UBXN2A: variants seen among roughly 807,000 people sequenced by gnomAD.
UBXN2A encodes the protein UBX domain protein 2A.
In UBXN2A, 28 loss-of-function variants were observed where a neutral mutation model predicts 28.4. The observed-to-expected ratio is 0.99, with a 90% CI of 0.73 to 1.35. UBXN2A has a LOEUF of 1.35. UBXN2A is among the 40% of genes most tolerant of loss of function. The pLI is 0.00. For missense variants in UBXN2A, 253 were observed against 297.9 expected (o/e 0.85, Z 1.11); for synonymous variants, 97 against 103.6 (o/e 0.94, Z 0.39).
chr2:23,960,720 C>T (rs1422619244), intron 2 of UBXN2A, among the ~76,000 whole-genome samples: 1 of 152,092 alleles, frequency 6.6e-6, no homozygotes, highest in Non-Finnish European at 1.5e-5. Context: ...GCAACCTCCA[C>T]CTCCCAGGTT....
At position 23,986,597 on chromosome 2, in the gene UBXN2A, T is replaced by C. The variant is rs867421152; in HGVS notation, c.584+1766T>C. Among the ~76,000 whole-genome samples the C allele has an allele frequency of 2.6e-5, 4 of 151,884 alleles. No individual in the cohort carries two copies. The Middle Eastern group carries it at 0.01, about 387-fold the overall frequency. On this transcript the variant is annotated intron_variant, in intron 6 of 6. Coordinates refer to ENST00000309033, the MANE Select transcript of UBXN2A (RefSeq NM_181713.4). ...AGTTTGATGCATTTTTCCAGTCTTT[T>C]ATCTCTTCCTAAAAGCTTTTTTTTT...
intron 1 of UBXN2A, among the ~76,000 whole-genome samples, chr2:23,940,872 G>C (rs1705720392): frequency 1.3e-5 from 1 of 76,014 alleles, no homozygotes; most frequent in Admixed American, 2.0e-4. Flanking sequence ...CGGCGACCCC[G>C]AGCCCCTGAC....
intron 1 of UBXN2A, among the ~76,000 whole-genome samples, chr2:23,954,711 G>A (rs1706530690): frequency 6.7e-6 from 1 of 149,492 alleles, no homozygotes; most frequent in African/African-American, 2.5e-5. Context: ...TTTCTTCTTT[G>A]GAAAAATGTC....
chr2:23,943,485 A>T (rs1466323632), intron 1 of UBXN2A, among the ~76,000 whole-genome samples: 1 of 152,018 alleles, frequency 6.6e-6, no homozygotes, highest in Non-Finnish European at 1.5e-5. Flanking sequence ...GATTGTATGT[A>T]TGTATGTTTT....
At chr2:23,972,931 T>G (rs1707479738) in intron 3 of UBXN2A, among the ~76,000 whole-genome samples, 1 of 152,188 alleles carries the variant, frequency 6.6e-6, no homozygotes, top group Non-Finnish European at 1.5e-5. Flanking sequence ...TTCTACAATA[T>G]ACAGAAGTGT....
chr2:23,979,845 A>G (rs1707824456), intron 4 of UBXN2A, among the ~76,000 whole-genome samples: 1 of 152,074 alleles, frequency 6.6e-6, no homozygotes. Flanking sequence ...TGCAGGGATT[A>G]CCAGCGTGAG....
intron 6 of UBXN2A, chr2:23,996,973 GAGCACCTGATTGCCAT>G (rs1708564516): frequency 6.6e-6 from 1 of 151,996 alleles, no homozygotes; most frequent in African/African-American, 2.4e-5. Context: ...AAGTTACTGC[GAGCACCTGATTGCCAT>G]AGCACACTAC....
chr2:23,980,136 G>T (rs1476397155), intron 4 of UBXN2A, among the ~76,000 whole-genome samples: 2 of 152,010 alleles, frequency 1.3e-5, no homozygotes, highest in Admixed American at 6.6e-5. Context: ...ATTTTCCCCT[G>T]CAGCCCTAAC....
chr2:23,979,556 T>TTA (rs1707810632), intron 4 of UBXN2A, among the ~76,000 whole-genome samples: 1 of 152,140 alleles, frequency 6.6e-6, no homozygotes, highest in Non-Finnish European at 1.5e-5. Context: ...CCCGTAATTT[T>TTA]TATATATACT....
chr2:23,934,430 C>T (rs1705465105), intron 1 of UBXN2A, among the ~76,000 whole-genome samples: 1 of 152,150 alleles, frequency 6.6e-6, no homozygotes, highest in African/African-American at 2.4e-5. Flanking sequence ...CAGTGCTGAC[C>T]TAGATATTCA....
chr2:23,930,243 G>T lies in UBXN2A; in HGVS notation c.-138+2628G>T, dbSNP rs60208092. ...GCTTGAGCCCAGGAGTTCGAAACCA[G>T]CCTGGGCAACATAGTGAGTCCCTGT... On this transcript the variant is annotated intron_variant, in intron 1 of 7. Transcript: ENST00000404924. Among the ~76,000 whole-genome samples, 149 of 152,266 alleles carry T rather than the reference G, an allele frequency of 9.8e-4. 1 individual carries two copies. The East Asian group carries it at 0.018, about 18-fold the overall frequency.
chr2:23,971,376 A>G lies in UBXN2A; in HGVS notation c.142A>G (p.Ser48Gly). The G allele has an allele frequency of 6.4e-7, 1 of 1,574,608 alleles. No homozygotes were observed. Among genetic ancestry groups the G allele is most frequent in the Non-Finnish European group, 8.7e-7 (1 of 1,151,334 alleles). The change falls in exon 3 of 7, where the codon AGT becomes GGT. Residue 48 changes from serine (S) to glycine (G), a missense_variant. Transcript: ENST00000309033. ...CCTTTTTGAGGAAGCTCAGAAGGTT[A>G]GTTCCAAATGTGTGTCTCCCGCTGA... Reference protein sequence around the residue: ...DSLFEEAQKVSSKCVSPAEQK... With the variant: ...DSLFEEAQKVGSKCVSPAEQK...
In UBXN2A at chr2:23,982,956, A is replaced by G; in HGVS notation, c.348A>G (p.Glu116=). The G allele has an allele frequency of 1.9e-6, 3 of 1,611,858 alleles. No homozygotes were observed. The African/African-American group carries it at 4.0e-5, about 21-fold the overall frequency. The change falls in exon 5 of 7, where the codon GAA becomes GAG. Residue 116 remains glutamate, a synonymous_variant. Coordinates refer to ENST00000309033, the MANE Select transcript of UBXN2A (RefSeq NM_181713.4). ...AAGAAGAGGTGGACGTTAAAGTTGA[A>G]GACAAGAAAAATGAAATATGTTTGT... ...FDKEEVDVKV[E]DKKNEICLST...
intron 1 of UBXN2A, among the ~76,000 whole-genome samples, chr2:23,946,523 A>T (rs1387311732): frequency 8.6e-5 from 13 of 150,682 alleles, no homozygotes; most frequent in African/African-American, 3.2e-4. Context: ...GGGTTTCACC[A>T]TGTTGGCCAG....
intron 6 of UBXN2A, among the ~76,000 whole-genome samples, chr2:23,991,966 G>A (rs1215736765): frequency 1.3e-5 from 2 of 150,836 alleles, no homozygotes; most frequent in Non-Finnish European, 3.0e-5. Flanking sequence ...TAATTTTTGG[G>A]GTTTTTTGTT....
At chr2:23,982,028 A>T (rs1356414848) in intron 4 of UBXN2A, among the ~76,000 whole-genome samples, 3 of 152,014 alleles carry the variant, frequency 2.0e-5, no homozygotes, top group African/African-American at 7.2e-5. Flanking sequence ...GATAAGCTTT[A>T]AAAAAATTGC....
At chr2:23,966,002 A>C (rs1474394230) in intron 2 of UBXN2A, among the ~76,000 whole-genome samples, 1 of 152,176 alleles carries the variant, frequency 6.6e-6, no homozygotes, top group Non-Finnish European at 1.5e-5. Context: ...GGCATAAAGC[A>C]GTTCTTAATG....
chr2:23,946,512 G>A (rs547961596), intron 1 of UBXN2A, among the ~76,000 whole-genome samples: 16 of 151,626 alleles, frequency 1.1e-4, no homozygotes, highest in Non-Finnish European at 2.2e-4. Context: ...TAATAGAGAC[G>A]GGGTTTCACC....
upstream of UBXN2A, chr2:23,939,484 G>C (rs1187038177): frequency 1.3e-5 from 2 of 152,396 alleles, no homozygotes; most frequent in Non-Finnish European, 2.9e-5. Context: ...GAAGACTGGA[G>C]GTGGCAGCGA....
Sources: allele counts gnomAD v4.1 joint callset (sites outside exome capture counted in the v4.1 genomes callset), GRCh38; gene constraint gnomAD v4.1.1; transcripts MANE v1.5; gene names NCBI Gene and HGNC (gene_info 2026-07-23, HGNC 2026-07-21).